Variants in TRMT11 observed in about 807,000 individuals in gnomAD.
TRMT11 encodes tRNA (guanine(10)-N(2))-methyltransferase TRMT11.
TRMT11 carries 53 observed loss-of-function variants against 62.8 expected under a neutral mutation model. The observed-to-expected ratio is 0.84, with a 90% confidence interval of 0.68 to 1.06. TRMT11 has a LOEUF of 1.06. Ranked by LOEUF, TRMT11 falls within the 50% of genes least tolerant of loss-of-function variation. TRMT11 has a pLI of 0.00. For synonymous variants in TRMT11, 188 were observed against 190.3 expected (o/e 0.99, Z 0.10); for missense variants, 556 against 553.4 (o/e 1.00, Z -0.05).
At chr6:126,176,084 C>T (rs1173049350), upstream of TRMT11, among the ~76,000 whole-genome samples, 1 of 152,126 alleles carries the variant, frequency 6.6e-6, no homozygotes, top group Non-Finnish European at 1.5e-5. Context: ...ACTGAAACGC[C>T]AATTTGTTCA....
intron 7 of TRMT11, among the ~76,000 whole-genome samples, chr6:126,000,842 C>T (rs1388074963): frequency 3.3e-5 from 5 of 152,214 alleles, no homozygotes; most frequent in African/African-American, 9.6e-5. Context: ...TTTTCTTCCC[C>T]ACTCTCATTA....
intron 8 of TRMT11, 94 bp from the exon 9 acceptor site, chr6:126,011,158 AG>A: frequency 9.9e-7 from 1 of 1,014,296 alleles, no homozygotes; most frequent in Non-Finnish European, 1.4e-6. Flanking sequence ...GAATAAATGT[AG>A]GTTTCAGTGA....
chr6:126,038,031 C>T (rs1775501486), intron 12 of TRMT11, among the ~76,000 whole-genome samples: 1 of 151,950 alleles, frequency 6.6e-6, no homozygotes, highest in Non-Finnish European at 1.5e-5. Context: ...GTGTTTCCTG[C>T]CAGGAACCTC....
chr6:126,182,304 G>A (rs575557905), intron 1 of TRMT11, among the ~76,000 whole-genome samples: 4 of 152,042 alleles, frequency 2.6e-5, no homozygotes, highest in East Asian at 3.9e-4. Context: ...GCATATCCTC[G>A]CAAAGCAGAA....
chr6:126,229,338 C>T, the TRMT11 span, among the ~76,000 whole-genome samples: 1 of 152,212 alleles, frequency 6.6e-6, no homozygotes, highest in Non-Finnish European at 1.5e-5. Flanking sequence ...AAAATGCTGT[C>T]TCCATTGCAG....
At chr6:126,223,786 G>A in the TRMT11 span, among the ~76,000 whole-genome samples, 1 of 152,124 alleles carries the variant, frequency 6.6e-6, no homozygotes, top group South Asian at 2.1e-4. Context: ...TTCTATCAGG[G>A]ACTCCAAAGA....
chr6:126,011,418 G>GT lies in TRMT11; in HGVS notation c.925+2dup. 6.2e-7 allele frequency: 1 copy of GT among 1,606,364 alleles called. No individual in the cohort carries two copies. The highest frequency in any genetic ancestry group is 8.5e-7 in the Non-Finnish European group (1 of 1,176,670). On this transcript the variant is annotated splice_donor_variant, in intron 9 of 12. Transcript: ENST00000334379. LOFTEE classifies it high-confidence loss of function. ...TATTTTGATGCAATCATTACTGATC[G>GT]TAAGTTTATTTTTATACAAAAGTAG...
chr6:126,008,293 C>A, intron 7 of TRMT11, 99 bp from the exon 8 acceptor site: 1 of 992,502 alleles, frequency 1.0e-6, no homozygotes. Flanking sequence ...CCAGGATACT[C>A]TGCCTGCAGC....
chr6:126,010,153 C>G (rs1793962505), intron 8 of TRMT11, among the ~76,000 whole-genome samples: 1 of 151,876 alleles, frequency 6.6e-6, no homozygotes, highest in Non-Finnish European at 1.5e-5. Context: ...ATCTTTCACT[C>G]TCTTCTGGCC....
chr6:126,187,419 C>T (rs1778539174), intron 1 of TRMT11, among the ~76,000 whole-genome samples: 1 of 151,876 alleles, frequency 6.6e-6, no homozygotes, highest in African/African-American at 2.4e-5. Context: ...GTGCAAGACC[C>T]TACACTAAAA....
chr6:126,177,153 A>C (rs1205094181), upstream of TRMT11: 1 of 152,190 alleles, frequency 6.6e-6, no homozygotes, highest in Non-Finnish European at 1.5e-5. Context: ...CAAATCATTA[A>C]AGTATGAATA....
At chr6:126,097,665 A>T (rs944809443) in intron 17 of TRMT11, among the ~76,000 whole-genome samples, 8 of 152,008 alleles carry the variant, frequency 5.3e-5, no homozygotes, top group Non-Finnish European at 7.4e-5. Context: ...AATTGAAATT[A>T]AAAAAAATCT....
chr6:126,148,706 G>A lies in TRMT11; in HGVS notation c.*1824-26119G>A, dbSNP rs561143933. On this transcript the variant is annotated intron_variant and NMD_transcript_variant, in intron 21 of 22. Coordinates refer to the TRMT11 transcript ENST00000648977. ...GTTTTTTAAGAAGTAAAAACTAAAA[G>A]AGAGTCATTTAGTCGAGTGATTAAT... Among the ~76,000 whole-genome samples, 4 of 152,148 alleles carry A rather than the reference G, an allele frequency of 2.6e-5. No individual in the cohort carries two copies. In the South Asian group the frequency reaches 8.3e-4, roughly 32 times the overall value.
At chr6:126,213,674 C>G in the TRMT11 span, among the ~76,000 whole-genome samples, 1 of 151,848 alleles carries the variant, frequency 6.6e-6, no homozygotes, top group African/African-American at 2.4e-5. Context: ...TCCAAATGTG[C>G]AGACCTTATC....
At chr6:126,050,427 T>C (rs1342817607) in intron 16 of TRMT11, among the ~76,000 whole-genome samples, 1 of 151,964 alleles carries the variant, frequency 6.6e-6, no homozygotes, top group Non-Finnish European at 1.5e-5. Context: ...GGGGTGTCAG[T>C]TGCAGTGGCT....
At chr6:126,103,726 T>C (rs1777429633) in intron 17 of TRMT11, among the ~76,000 whole-genome samples, 1 of 152,260 alleles carries the variant, frequency 6.6e-6, no homozygotes, top group African/African-American at 2.4e-5. Context: ...GTCTCTCATA[T>C]GCCTTTTTAC....
intron 21 of TRMT11, among the ~76,000 whole-genome samples, chr6:126,146,102 A>G (rs1313622915): frequency 2.6e-5 from 4 of 152,336 alleles, no homozygotes; most frequent in Admixed American, 6.5e-5. Flanking sequence ...CCTTCTTCCA[A>G]GCCAGTGACT....
downstream of TRMT11, among the ~76,000 whole-genome samples, chr6:126,203,234 C>A (rs1029860241): frequency 1.3e-5 from 2 of 152,174 alleles, no homozygotes; most frequent in African/African-American, 2.4e-5. Flanking sequence ...AATTTTTGAA[C>A]AATTTAATCT....
intron 11 of TRMT11, among the ~76,000 whole-genome samples, chr6:126,017,004 A>T (rs1162476245): frequency 1.3e-5 from 2 of 152,190 alleles, no homozygotes; most frequent in South Asian, 2.1e-4. Context: ...TGTTTTGAAA[A>T]TAACACAGTA....
Sources: allele counts gnomAD v4.1 joint callset (sites outside exome capture counted in the v4.1 genomes callset), GRCh38; gene constraint gnomAD v4.1.1; transcripts MANE v1.5; gene names NCBI Gene and HGNC (gene_info 2026-07-23, HGNC 2026-07-21).